The following SPATA13 variants were observed in gnomAD, a reference collection of about 807,000 sequenced individuals.
The protein encoded by SPATA13 is spermatogenesis associated 13, also known as spermatogenesis-associated protein 13.
A neutral mutation model predicts 104.0 loss-of-function variants in SPATA13; 50 were observed. The ratio of observed to expected loss-of-function variants is 0.48; its 90% CI spans 0.38 to 0.61. The LOEUF (loss-of-function observed/expected upper bound fraction) is 0.61. Among genes scored for constraint, SPATA13 ranks in the 20% least tolerant of loss-of-function variants. The pLI is 0.00. For synonymous variants in SPATA13, 606 were observed against 667.5 expected, an observed-to-expected ratio of 0.91 and a Z score of 1.42; for missense variants, 1,524 against 1,690.6, an observed-to-expected ratio of 0.90 and a Z score of 1.73.
At chr13:24,121,751 C>T (rs1881035552) in intron 3 of SPATA13, among the ~76,000 whole-genome samples, 1 of 152,134 alleles carries the variant, frequency 6.6e-6, no homozygotes, top group South Asian at 2.1e-4. Flanking sequence ...AAGCTGCCTT[C>T]ATGACATCCC....
intron 3 of SPATA13, among the ~76,000 whole-genome samples, chr13:24,040,516 T>C (rs1877880367): frequency 6.6e-6 from 1 of 152,114 alleles, no homozygotes; most frequent in Non-Finnish European, 1.5e-5. Flanking sequence ...CAGATGGGGT[T>C]GGAGAGGAGG....
intron 3 of SPATA13, among the ~76,000 whole-genome samples, chr13:24,127,224 C>T (rs1234359888): frequency 6.6e-6 from 1 of 152,154 alleles, no homozygotes; most frequent in African/African-American, 2.4e-5. Context: ...AGAGCTTACC[C>T]AGGCTGGTAG....
chr13:24,228,152 C>T lies in SPATA13; in HGVS notation c.1653+3570C>T, dbSNP rs1236252962. Among the ~76,000 whole-genome samples, 35 of 122,158 alleles carry T rather than the reference C, an allele frequency of 2.9e-4. No homozygotes were observed. The Admixed American group carries it at 3.7e-3, about 13-fold the overall frequency. The allele number at this position is 122,158 out of a possible 152,430, so 80.1% of individuals were successfully genotyped here. The stretch of plus-strand genomic sequence containing the variant: ...TTTTTGAGACGGAGTCTAACTGTGT[C>T]GCCTAGGCTGGAGTGCAGTGGCGTA... On this transcript the variant is annotated intron_variant, in intron 2 of 12. Coordinates refer to ENST00000382108, the MANE Select transcript of SPATA13 (RefSeq NM_001166271.3).
chr13:24,175,066 C>T (rs1047063591), intron 1 of SPATA13, among the ~76,000 whole-genome samples: 8 of 151,912 alleles, frequency 5.3e-5, no homozygotes, highest in South Asian at 4.2e-4. Flanking sequence ...TTGTATGGCC[C>T]GGGGTATTGG....
chr13:24,257,035 C>T (rs1444084243), intron 4 of SPATA13, among the ~76,000 whole-genome samples: 1 of 152,232 alleles, frequency 6.6e-6, no homozygotes, highest in African/African-American at 2.4e-5. Flanking sequence ...TCACAGCCTA[C>T]CTAAGCTCCT....
chr13:24,259,438 G>A (rs556180936), intron 4 of SPATA13, among the ~76,000 whole-genome samples: 7 of 152,260 alleles, frequency 4.6e-5, no homozygotes, highest in African/African-American at 9.6e-5. Flanking sequence ...AAACAAAAAC[G>A]TACCAAGACA....
At chr13:24,283,989 T>C (rs17380388) in intron 4 of SPATA13, 146 bp from the exon 5 acceptor site, 42,837 of 788,612 alleles carry the variant, frequency 0.054, 1,514 homozygotes, top group South Asian at 0.097. Context: ...TTTGGAGTAA[T>C]GTAGACATTT....
At chr13:23,993,984 T>C (rs1165402162) in intron 2 of SPATA13, among the ~76,000 whole-genome samples, 2 of 61,010 alleles carry the variant, frequency 3.3e-5, no homozygotes, top group African/African-American at 1.1e-4. Context: ...TTTTTTTTTT[T>C]TCTTTTTTTT....
intron 10 of SPATA13, 49 bp downstream of exon 10, chr13:24,294,917 A>C (rs755488296): frequency 6.4e-7 from 1 of 1,570,240 alleles, no homozygotes. Flanking sequence ...CCCTTCCCGC[A>C]CCTTTGATCT....
At chr13:24,014,474 G>A (rs1181809529) in intron 2 of SPATA13, among the ~76,000 whole-genome samples, 2 of 152,170 alleles carry the variant, frequency 1.3e-5, no homozygotes, top group Non-Finnish European at 2.9e-5. Flanking sequence ...TGTGTCAGTG[G>A]ATGAACACAT....
chr13:24,305,527 T>C lies in SPATA13; in HGVS notation c.*2754T>C, dbSNP rs1049806341. On this transcript the variant is annotated 3_prime_UTR_variant, in exon 13 of 13. Coordinates refer to ENST00000382108, the MANE Select transcript of SPATA13 (RefSeq NM_001166271.3). ...AGAATGGAAGGCTCAAGTATTCTCATCTTCCATTTGCCAAACTTCCTTCCT... is the reference window on the plus strand; with the variant it reads ...AGAATGGAAGGCTCAAGTATTCTCACCTTCCATTTGCCAAACTTCCTTCCT... 1 of 152,248 alleles carries C rather than the reference T, an allele frequency of 6.6e-6. No homozygotes were observed. The highest frequency in any genetic ancestry group is 1.5e-5 in the Non-Finnish European group (1 of 68,040). The allele number at this position is 152,248 out of a possible 1,614,324, so 9.4% of individuals were successfully genotyped here.
rs75740540 is a variant in SPATA13 at position 24,242,919 on chromosome 13, A to T, written c.1654-6558A>T. Among the ~76,000 whole-genome samples the T allele has an allele frequency of 5.3e-5, 8 of 152,306 alleles. No individual in the cohort carries two copies. In the East Asian group the frequency reaches 1.5e-3, roughly 29 times the overall value. ...TGCAGGGTATTTTTGGTTATGACACATTAATTTTCATTTAAGGGACATTGG... is the reference window on the plus strand; with the variant it reads ...TGCAGGGTATTTTTGGTTATGACACTTTAATTTTCATTTAAGGGACATTGG... On this transcript the variant is annotated intron_variant, in intron 2 of 12. Transcript: ENST00000382108.
chr13:24,301,913 A>C (rs1407305438), intron 12 of SPATA13, among the ~76,000 whole-genome samples: 2 of 152,164 alleles, frequency 1.3e-5, no homozygotes, highest in Non-Finnish European at 2.9e-5. Flanking sequence ...TCTCATAGCA[A>C]CCCCATAGGT....
chr13:24,131,528 C>T (rs766778878), intron 3 of SPATA13, among the ~76,000 whole-genome samples: 2 of 152,144 alleles, frequency 1.3e-5, no homozygotes, highest in Non-Finnish European at 2.9e-5. Context: ...GTGCTACTTC[C>T]AGGTGTCCAG....
chr13:24,026,069 C>G (rs896228262), intron 3 of SPATA13, among the ~76,000 whole-genome samples: 2 of 152,120 alleles, frequency 1.3e-5, no homozygotes, highest in Non-Finnish European at 2.9e-5. Context: ...TTCTAAATAC[C>G]TTTTCTTTTT....
At chr13:24,045,148 A>G (rs1372449465) in intron 3 of SPATA13, among the ~76,000 whole-genome samples, 2 of 152,192 alleles carry the variant, frequency 1.3e-5, no homozygotes, top group East Asian at 3.8e-4. Flanking sequence ...CCTTCTGACA[A>G]AGTTGTATGT....
At chr13:24,099,459 C>A (rs948072517) in intron 3 of SPATA13, among the ~76,000 whole-genome samples, 1 of 152,236 alleles carries the variant, frequency 6.6e-6, no homozygotes, top group Non-Finnish European at 1.5e-5. Context: ...AGTGGCCACG[C>A]ACACTAGTGG....
intron 3 of SPATA13, among the ~76,000 whole-genome samples, chr13:24,113,265 T>A (rs1459653764): frequency 6.6e-6 from 1 of 152,240 alleles, no homozygotes; most frequent in East Asian, 1.9e-4. Context: ...GTTCAAATCA[T>A]CCTTAGTAGT....
chr13:24,246,591 G>A (rs1194282534), intron 2 of SPATA13, among the ~76,000 whole-genome samples: 3 of 152,188 alleles, frequency 2.0e-5, no homozygotes, highest in South Asian at 4.1e-4. Flanking sequence ...CGGGTGTGGT[G>A]GCTCACGCCT....
Sources: allele counts gnomAD v4.1 joint callset (sites outside exome capture counted in the v4.1 genomes callset), GRCh38; gene constraint gnomAD v4.1.1; transcripts MANE v1.5; gene names NCBI Gene and HGNC (gene_info 2026-07-23, HGNC 2026-07-21).